CCDC149: variants seen among roughly 807,000 people sequenced by gnomAD.
CCDC149 encodes the protein coiled-coil domain containing 149.
CCDC149 carries 45 observed loss-of-function variants against 59.9 expected under a neutral mutation model. The observed-to-expected ratio is 0.75, with a 90% confidence interval of 0.59 to 0.96. The LOEUF is 0.96. CCDC149 is among the 40% of genes least tolerant of loss of function. The pLI is 0.00. For synonymous variants in CCDC149, 245 were observed against 260.6 expected, an observed-to-expected ratio of 0.94 and a Z score of 0.58; for missense variants, 584 against 664.7, an observed-to-expected ratio of 0.88 and a Z score of 1.33.
chr4:24,860,494 T>G (rs895896615), intron 3 of CCDC149, among the ~76,000 whole-genome samples: 1 of 152,050 alleles, frequency 6.6e-6, no homozygotes, highest in South Asian at 2.1e-4. Context: ...AAAAATTCTA[T>G]AAGATAGCAT....
chr4:24,830,930 G>T (rs1716102499), intron 9 of CCDC149: 1 of 152,400 alleles, frequency 6.6e-6, no homozygotes, highest in African/African-American at 2.4e-5. Flanking sequence ...TATTACCTCT[G>T]TCATCTCTAA....
intron 1 of CCDC149, among the ~76,000 whole-genome samples, chr4:24,954,771 A>C (rs61299216): frequency 0.028 from 4,332 of 152,258 alleles, 147 homozygotes; most frequent in African/African-American, 0.08. Flanking sequence ...AAGAGCTCCA[A>C]AATGCCTTCA....
chr4:24,819,151 C>T (rs150406955), intron 12 of CCDC149, among the ~76,000 whole-genome samples: 5 of 152,318 alleles, frequency 3.3e-5, no homozygotes, highest in African/African-American at 7.2e-5. Context: ...TCTACTGCTT[C>T]GCAGACTTCC....
At chr4:24,944,665 A>G (rs558376275) in intron 1 of CCDC149, among the ~76,000 whole-genome samples, 2 of 152,230 alleles carry the variant, frequency 1.3e-5, no homozygotes, top group South Asian at 4.2e-4. Context: ...AACCTAGATG[A>G]TGGGTTGATA....
At position 24,967,113 on chromosome 4, in the gene CCDC149, T is replaced by C. The variant is rs760278376; in HGVS notation, c.-65+12956A>G. 8.1e-4 allele frequency among the ~76,000 whole-genome samples: 124 copies of C among 152,296 alleles called. 1 individual carries two copies. Among genetic ancestry groups the C allele is most frequent in the Non-Finnish European group, 1.5e-3 (104 of 68,016 alleles). On this transcript the variant is annotated intron_variant, in intron 1 of 12. Transcript: ENST00000389609. The stretch of plus-strand genomic sequence containing the variant: ...TTATATACTGTGTATGTCTCTCCCA[T>C]ACCAAAATACATTCTGGAGGTGGAT...
chr4:24,845,550 A>G (rs1482158521), intron 4 of CCDC149, among the ~76,000 whole-genome samples: 1 of 152,262 alleles, frequency 6.6e-6, no homozygotes, highest in Non-Finnish European at 1.5e-5. Context: ...TACCGACTGT[A>G]CCAGAGATGT....
chr4:24,908,688 A>G (rs1721687415), intron 1 of CCDC149, among the ~76,000 whole-genome samples: 1 of 152,238 alleles, frequency 6.6e-6, no homozygotes, highest in African/African-American at 2.4e-5. Context: ...CAACAGAGTG[A>G]GACCTCATCT....
chr4:24,860,298 C>T (rs868736707), intron 3 of CCDC149, among the ~76,000 whole-genome samples: 1 of 152,122 alleles, frequency 6.6e-6, no homozygotes, highest in African/African-American at 2.4e-5. Context: ...CAAATACTTA[C>T]AGCTAACTGA....
At chr4:24,854,123 C>T (rs1214690755) in intron 3 of CCDC149, among the ~76,000 whole-genome samples, 1 of 152,140 alleles carries the variant, frequency 6.6e-6, no homozygotes, top group Non-Finnish European at 1.5e-5. Flanking sequence ...CATATCCTCA[C>T]CCCTTACCCA....
intron 1 of CCDC149, among the ~76,000 whole-genome samples, chr4:24,889,847 C>T (rs1287216076): frequency 6.6e-6 from 1 of 152,042 alleles, no homozygotes; most frequent in South Asian, 2.1e-4. Flanking sequence ...TAAAAAATAC[C>T]CTAACACCCC....
chr4:24,839,748 T>G (rs1716822780), intron 4 of CCDC149, among the ~76,000 whole-genome samples: 1 of 152,114 alleles, frequency 6.6e-6, no homozygotes, highest in African/African-American at 2.4e-5. Context: ...CCATCACAAC[T>G]CCAAGGATTG....
upstream of CCDC149, among the ~76,000 whole-genome samples, chr4:24,917,607 G>C (rs1722166818): frequency 6.6e-6 from 1 of 152,100 alleles, no homozygotes; most frequent in Non-Finnish European, 1.5e-5. Flanking sequence ...GGGTGCCGGA[G>C]GAGAGGCCTA....
At chr4:24,867,790 C>T (rs1021235872) in intron 3 of CCDC149, among the ~76,000 whole-genome samples, 4 of 152,190 alleles carry the variant, frequency 2.6e-5, no homozygotes, top group African/African-American at 7.2e-5. Context: ...CAACAAGGGG[C>T]GATCATTGCA....
chr4:24,962,351 A>G (rs1373644007), intron 1 of CCDC149, among the ~76,000 whole-genome samples: 1 of 152,186 alleles, frequency 6.6e-6, no homozygotes, highest in Non-Finnish European at 1.5e-5. Flanking sequence ...GAACACTTTT[A>G]CACTGTTGGT....
intron 1 of CCDC149, among the ~76,000 whole-genome samples, chr4:24,929,961 C>G (rs908374661): frequency 6.6e-6 from 1 of 152,190 alleles, no homozygotes; most frequent in Non-Finnish European, 1.5e-5. Context: ...GAACAAGAAA[C>G]TAGAAGTTTA....
In CCDC149 at chr4:24,876,579, C is replaced by T. The variant is rs777308038; in HGVS notation, c.182G>A (p.Arg61Gln). The T allele has an allele frequency of 5.6e-6, 9 of 1,614,064 alleles. No homozygotes were observed. Among genetic ancestry groups the T allele is most frequent in the South Asian group, 2.2e-5 (2 of 91,056 alleles). The stretch of plus-strand genomic sequence containing the variant: ...CTTCTTCAGTGACTGGTGGCGCTCC[C>T]GGAGCTGATTGGCCATGAGTTTGTA... The change falls in exon 2 of 13, where the codon CGG (arginine) becomes CAG (glutamine). Residue 61 changes from arginine (R) to glutamine (Q), a missense_variant. Physicochemically the swap from Arg to Gln is conservative, Grantham distance 43. Transcript: ENST00000635206.
intron 8 of CCDC149, among the ~76,000 whole-genome samples, chr4:24,833,621 C>CAA (rs60761533): frequency 1.3e-5 from 2 of 150,186 alleles, no homozygotes; most frequent in Non-Finnish European, 3.0e-5. Context: ...GAGACTGTCT[C>CAA]AAAAAAAAAG....
At chr4:24,842,813 T>G (rs1717019588) in intron 4 of CCDC149, among the ~76,000 whole-genome samples, 1 of 152,342 alleles carries the variant, frequency 6.6e-6, no homozygotes, top group African/African-American at 2.4e-5. Flanking sequence ...TTCTTAGCCT[T>G]CGTCTCTCAC....
chr4:24,848,701 G>A lies in CCDC149; in HGVS notation c.372+4371C>T, dbSNP rs182166953. 1.3e-3 allele frequency among the ~76,000 whole-genome samples: 197 copies of A among 149,914 alleles called. 1 individual carries two copies. Among genetic ancestry groups the A allele is most frequent in the Non-Finnish European group, 1.5e-3 (104 of 67,550 alleles). On this transcript the variant is annotated intron_variant, in intron 4 of 12. Coordinates refer to ENST00000635206, the MANE Select transcript of CCDC149 (RefSeq NM_001330643.2). ...TTTAAGTGAAAAGGTGAAAGTTCTCGACTTAAGGAAAAAAAAAATCATATG... is the reference window on the plus strand; with the variant it reads ...TTTAAGTGAAAAGGTGAAAGTTCTCAACTTAAGGAAAAAAAAAATCATATG...
Sources: gnomAD v4.1 joint callset for allele counts (sites outside exome capture counted in the v4.1 genomes callset) on GRCh38, gnomAD v4.1.1 for gene constraint, MANE v1.5 for transcripts, NCBI Gene and HGNC (gene_info 2026-07-23, HGNC 2026-07-21) for gene names.